DHX37: variants seen among roughly 807,000 people sequenced by gnomAD.
DHX37 encodes the protein DEAH-box helicase 37.
A neutral mutation model predicts 134.3 loss-of-function variants in DHX37; 52 were observed. That is an observed-to-expected ratio of 0.39 (90% confidence interval 0.31 to 0.49). DHX37 has a LOEUF of 0.49. Ranked by LOEUF, DHX37 falls within the 20% of genes least tolerant of loss-of-function variation. The probability of loss-of-function intolerance (pLI) is 0.93; values close to 1 mark genes in which losing one functional copy is unlikely to be tolerated. For synonymous variants in DHX37, 634 were observed against 670.7 expected, an observed-to-expected ratio of 0.95 and a Z score of 0.85; for missense variants, 1,344 against 1,580.8, an observed-to-expected ratio of 0.85 and a Z score of 2.54.
chr12:124,963,069 T>C (rs1185618904), intron 15 of DHX37, among the ~76,000 whole-genome samples: 3 of 152,010 alleles, frequency 2.0e-5, no homozygotes, highest in African/African-American at 7.2e-5. Context: ...AGCAGCACTA[T>C]CCACAATAGC....
At chr12:124,969,550 C>T (rs914803994) in intron 8 of DHX37, among the ~76,000 whole-genome samples, 6 of 151,998 alleles carry the variant, frequency 3.9e-5, no homozygotes, top group East Asian at 1.9e-4. Context: ...CCGTGCCTTC[C>T]GGACCCCACC....
intron 1 of DHX37, among the ~76,000 whole-genome samples, chr12:124,988,223 G>T (rs1024637809): frequency 1.3e-5 from 2 of 151,988 alleles, no homozygotes; most frequent in Non-Finnish European, 2.9e-5. Flanking sequence ...CGCCAAGACT[G>T]CAGTCCAGGC....
At chr12:124,986,493 T>C (rs371564833) in intron 1 of DHX37, among the ~76,000 whole-genome samples, 102 of 152,132 alleles carry the variant, frequency 6.7e-4, no homozygotes, top group African/African-American at 2.4e-3. Context: ...GGTGGCTCAC[T>C]TGAGGTCAGG....
In DHX37 at chr12:124,980,456, C is replaced by G. The variant is rs1954734204; in HGVS notation, c.738+34G>C. On this transcript the variant is annotated intron_variant, in intron 4 of 26. Transcript: ENST00000308736. This position sits in a 1 kb window ranked among gnomAD's most constrained non-coding sequence, Gnocchi z 5.3. ...CTCTGTGCGCCCCTTGCCCGCTAAC[C>G]TAGATTCTTAATCACAAACACGGGG... 1 of 1,599,784 alleles carries G rather than the reference C, an allele frequency of 6.3e-7. No homozygotes were observed. Among genetic ancestry groups the G allele is most frequent in the Non-Finnish European group, 8.5e-7 (1 of 1,176,158 alleles).
At chr12:124,968,513 C>T (rs748967750) in intron 10 of DHX37, 21 bp downstream of exon 10, 25 of 1,610,442 alleles carry the variant, frequency 1.6e-5, no homozygotes, top group Non-Finnish European at 1.9e-5. Flanking sequence ...CTTCTTTCCC[C>T]TGACCTGGCC....
intron 15 of DHX37, among the ~76,000 whole-genome samples, chr12:124,962,838 A>AG (rs1458405568): frequency 2.0e-5 from 3 of 150,404 alleles, no homozygotes; most frequent in South Asian, 2.1e-4. Context: ...CTCCATCTCA[A>AG]AAAAAAAAAA....
chr12:124,950,663 C>G (rs745664037), intron 22 of DHX37, 27 bp downstream of exon 22: 6 of 1,609,792 alleles, frequency 3.7e-6, no homozygotes, highest in Admixed American at 1.7e-5. Flanking sequence ...CATCGGGGGA[C>G]AAGGGGCTGT....
At chr12:124,966,000 T>C (rs894794034) in intron 12 of DHX37, among the ~76,000 whole-genome samples, 188 bp from the exon 13 acceptor site, 3 of 152,220 alleles carry the variant, frequency 2.0e-5, no homozygotes, top group South Asian at 2.1e-4. Context: ...GGGACTATCA[T>C]AGACCTTGTC....
At chr12:124,983,299 C>T (rs1310858996) in intron 2 of DHX37, among the ~76,000 whole-genome samples, 2 of 151,544 alleles carry the variant, frequency 1.3e-5, no homozygotes, top group African/African-American at 2.4e-5. Flanking sequence ...TTAGTAGAGA[C>T]GGGGTTTCAC....
intron 2 of DHX37, 135 bp downstream of exon 2, chr12:124,985,961 A>C (rs1056998988): frequency 9.4e-7 from 1 of 1,066,232 alleles, no homozygotes; most frequent in Non-Finnish European, 1.4e-6. Flanking sequence ...ACCGCACTGG[A>C]CCATGCACTG....
intron 10 of DHX37, among the ~76,000 whole-genome samples, chr12:124,967,522 C>T (rs7488961): frequency 0.16 from 24,192 of 152,188 alleles, 2,692 homozygotes; most frequent in East Asian, 0.56. Context: ...GACAGCGCCG[C>T]GGCTGCCCTG....
intron 20 of DHX37, chr12:124,953,507 T>A: frequency 4.4e-6 from 1 of 225,576 alleles, no homozygotes; most frequent in Non-Finnish European, 9.0e-6. Context: ...GCTGCTGAGC[T>A]GAGGTAGAGT....
intron 15 of DHX37, among the ~76,000 whole-genome samples, chr12:124,960,980 A>C (rs1954226804): frequency 6.6e-6 from 1 of 152,246 alleles, no homozygotes; most frequent in Non-Finnish European, 1.5e-5. Flanking sequence ...GTATTATTCC[A>C]TGTAGAGTAC....
At chr12:124,966,684 C>A in intron 12 of DHX37, 109 bp downstream of exon 12, 5 of 1,195,592 alleles carry the variant, frequency 4.2e-6, no homozygotes, top group Non-Finnish European at 6.1e-6. Flanking sequence ...TTTTTAACTT[C>A]ATTTTATTCC....
intron 16 of DHX37, among the ~76,000 whole-genome samples, chr12:124,960,016 G>A (rs893315425): frequency 3.3e-5 from 5 of 152,256 alleles, no homozygotes; most frequent in Admixed American, 1.3e-4. Context: ...GCTGCAGCCA[G>A]GAAGAGCCGG....
chr12:124,968,774 C>T (rs1313602973), intron 9 of DHX37, 93 bp downstream of exon 9: 9 of 1,596,762 alleles, frequency 5.6e-6, no homozygotes, highest in East Asian at 2.3e-5. Context: ...TGTCAATCCC[C>T]CCTGTGACCA....
Position 124,971,381 on chromosome 12 carries a change from A to G in DHX37, c.1112T>C (p.Ile371Thr). Residue 371 changes from isoleucine to threonine, a missense_variant, in exon 8 of 27, where the codon ATC (isoleucine) becomes ACC (threonine). This residue lies in a region of DHX37 where 30 missense variants were observed against 72.5 expected (regional missense o/e 0.41). Transcript: ENST00000308736. ...FLLLRYKVVI[I>T]DEAHERSVYT... ...CACGCTCCTCTCGTGGGCCTCGTCGATGATCACCACCTTGTACCGCAGCAG... is the reference window on the plus strand; with the variant it reads ...CACGCTCCTCTCGTGGGCCTCGTCGGTGATCACCACCTTGTACCGCAGCAG... 2 of 1,613,446 alleles carry G rather than the reference A, an allele frequency of 1.2e-6. No individual in the cohort carries two copies. Among genetic ancestry groups the G allele is most frequent in the African/African-American group, 1.3e-5 (1 of 75,036 alleles).
At chr12:124,961,717 G>A (rs992240241) in intron 15 of DHX37, among the ~76,000 whole-genome samples, 4 of 152,280 alleles carry the variant, frequency 2.6e-5, no homozygotes, top group Middle Eastern at 3.4e-3. Context: ...GTGAGCCATG[G>A]CGCCTGGCCT....
At chr12:124,984,579 G>T (rs904318345) in intron 2 of DHX37, among the ~76,000 whole-genome samples, 1 of 151,490 alleles carries the variant, frequency 6.6e-6, no homozygotes, top group Non-Finnish European at 1.5e-5. Context: ...CAGAAGGTAG[G>T]AAACTGTAAG....
Sources: allele counts gnomAD v4.1 joint callset (sites outside exome capture counted in the v4.1 genomes callset), GRCh38; gene constraint gnomAD v4.1.1; regional missense constraint gnomAD v4.1.1; non-coding constraint Gnocchi (gnomAD v3.1); transcripts MANE v1.5; gene names NCBI Gene and HGNC (gene_info 2026-07-23, HGNC 2026-07-21).